Variants in RXRG observed in about 807,000 individuals in gnomAD.
RXRG encodes the protein retinoic acid receptor RXR-gamma.
Under a neutral mutation model 49.2 loss-of-function variants are expected in RXRG, and 19 were observed. The ratio of observed to expected loss-of-function variants is 0.39; its 90% CI spans 0.27 to 0.57. RXRG has a LOEUF of 0.57. Ranked by LOEUF, RXRG falls within the 20% of genes least tolerant of loss-of-function variation. The pLI is 0.64. For synonymous variants in RXRG, 224 were observed against 216.6 expected (o/e 1.03, Z -0.30); for missense variants, 452 against 592.5 (o/e 0.76, Z 2.46).
Position 165,401,371 on chromosome 1 carries a change from G to A in RXRG, c.1284C>T (p.Ser428=). 1 of 1,614,220 alleles carries A rather than the reference G, an allele frequency of 6.2e-7. No homozygotes were observed. Among genetic ancestry groups the A allele is most frequent in the South Asian group, 1.1e-5 (1 of 91,090 alleles). The change falls in exon 10 of 10, where the codon TCC becomes TCT. Residue 428 remains serine, a synonymous_variant. Coordinates refer to ENST00000359842, the MANE Select transcript of RXRG (RefSeq NM_006917.5). The stretch of plus-strand genomic sequence containing the variant: ...GGTGCTCCAGGCATTTCAAGCCAAT[G>A]GAACGCAGAGCTGGGAGGCGCAGCA... ...KLLLRLPALR[S]IGLKCLEHLF...
intron 1 of RXRG, among the ~76,000 whole-genome samples, chr1:165,430,685 G>A (rs902887817): frequency 6.6e-6 from 1 of 152,220 alleles, no homozygotes; most frequent in Non-Finnish European, 1.5e-5. Flanking sequence ...GCCCACAGGG[G>A]CATGGCAAAG....
At chr1:165,422,784 A>G (rs1466472949) in intron 2 of RXRG, among the ~76,000 whole-genome samples, 1 of 152,240 alleles carries the variant, frequency 6.6e-6, no homozygotes, top group Non-Finnish European at 1.5e-5. Flanking sequence ...GCATGAGGAA[A>G]GATTAGAGGA....
At chr1:165,409,513 AC>A (rs1557911005) in intron 7 of RXRG, 44 bp downstream of exon 7, 33 of 1,399,646 alleles carry the variant, frequency 2.4e-5, no homozygotes, top group Non-Finnish European at 3.0e-5. Flanking sequence ...ACACACACAC[AC>A]ACACACATAA....
chr1:165,414,580 T>C (rs1269550360), intron 4 of RXRG, among the ~76,000 whole-genome samples: 3 of 152,204 alleles, frequency 2.0e-5, no homozygotes, highest in Non-Finnish European at 2.9e-5. Context: ...TCCAAGTCAA[T>C]TGGAAACTTA....
At chr1:165,440,349 G>T (rs749251807) in intron 1 of RXRG, among the ~76,000 whole-genome samples, 13 of 152,168 alleles carry the variant, frequency 8.5e-5, no homozygotes, top group Non-Finnish European at 1.8e-4. Context: ...GTTATGAAAC[G>T]AGTTGATACA....
Position 165,411,120 on chromosome 1 carries a change from G to T in RXRG, c.623-11C>A. On this transcript the variant is annotated splice_polypyrimidine_tract_variant and intron_variant, in intron 4 of 9. Transcript: ENST00000359842. ...TTTCTTCTTGCACAGCTGACATGCAGCAGGACATGCAGAGGTTACCATAAT... is the reference window on the plus strand; with the variant it reads ...TTTCTTCTTGCACAGCTGACATGCATCAGGACATGCAGAGGTTACCATAAT... 6.2e-7 allele frequency: 1 copy of T among 1,612,816 alleles called. No homozygotes were observed.
At chr1:165,402,346 A>C (rs1657605995) in intron 9 of RXRG, among the ~76,000 whole-genome samples, 1 of 152,206 alleles carries the variant, frequency 6.6e-6, no homozygotes. Flanking sequence ...TCAGCCTCCC[A>C]AAGTGCTGGG....
intron 8 of RXRG, among the ~76,000 whole-genome samples, chr1:165,407,698 C>T (rs1657799316): frequency 6.6e-6 from 1 of 152,162 alleles, no homozygotes; most frequent in African/African-American, 2.4e-5. Context: ...CCTGGGCAGC[C>T]ACTCTTGGAT....
At chr1:165,424,539 A>G (rs2101729771) in intron 2 of RXRG, among the ~76,000 whole-genome samples, 1 of 152,366 alleles carries the variant, frequency 6.6e-6, no homozygotes, top group South Asian at 2.1e-4. Context: ...AAACTGAAAC[A>G]GAAACAAGTT....
rs1312734518 is a variant in RXRG at position 165,442,375 on chromosome 1, ATTC to A, written c.49+2467_49+2469del. Among the ~76,000 whole-genome samples the A allele has an allele frequency of 4.6e-5, 7 of 152,210 alleles. No individual in the cohort carries two copies. The East Asian group carries it at 1.3e-3, about 29-fold the overall frequency. ...AACCTCAACAGAACTAAACAAAATA[ATTC>A]TTCTCCTCCCTCAAGAATGACAAAG... On this transcript the variant is annotated intron_variant, in intron 1 of 9. Coordinates refer to ENST00000359842, the MANE Select transcript of RXRG (RefSeq NM_006917.5).
At chr1:165,417,522 T>A (rs1446975020) in intron 3 of RXRG, among the ~76,000 whole-genome samples, 2 of 152,194 alleles carry the variant, frequency 1.3e-5, no homozygotes, top group East Asian at 3.8e-4. Context: ...TTGGGTTTAG[T>A]TAAGCAAATG....
chr1:165,401,183 G>T lies in RXRG; in HGVS notation c.*80C>A. The T allele has an allele frequency of 7.3e-7, 1 of 1,371,212 alleles. No individual in the cohort carries two copies. Among genetic ancestry groups the T allele is most frequent in the Non-Finnish European group, 1.0e-6 (1 of 984,836 alleles). 84.9% of individuals were successfully genotyped at this position (1,371,212 alleles called of 1,614,324 possible). A position where few individuals can be genotyped will look rare whatever the true frequency, so the allele number is the denominator to read the frequency against. On this transcript the variant is annotated 3_prime_UTR_variant, in exon 10 of 10. Coordinates refer to ENST00000359842, the MANE Select transcript of RXRG (RefSeq NM_006917.5). ...GACAGGAAGGGGGTCAGGGTGGGAG[G>T]TGGAGGAAAGTGCAGGGTGGGGGTC... is the stretch of plus-strand genomic sequence containing the variant.
chr1:165,407,953 T>C (rs1424719941), intron 8 of RXRG, among the ~76,000 whole-genome samples: 1 of 152,102 alleles, frequency 6.6e-6, no homozygotes, highest in African/African-American at 2.4e-5. Context: ...TCTAGAAATA[T>C]ATCCAGAATG....
chr1:165,417,478 G>C (rs1658162090), intron 3 of RXRG, among the ~76,000 whole-genome samples: 2 of 152,050 alleles, frequency 1.3e-5, no homozygotes, highest in African/African-American at 2.4e-5. Context: ...CTAAAGCTAA[G>C]GCTTTCTTTA....
chr1:165,411,198 A>T, intron 4 of RXRG, 89 bp from the exon 5 acceptor site: 1 of 1,306,998 alleles, frequency 7.7e-7, no homozygotes. Context: ...CAATTTACTC[A>T]TCTATGAAAG....
intron 2 of RXRG, among the ~76,000 whole-genome samples, chr1:165,428,264 A>G (rs573507726): frequency 2.6e-5 from 4 of 152,324 alleles, no homozygotes; most frequent in African/African-American, 4.8e-5. Flanking sequence ...CTTGTTCTCA[A>G]CTTATCCATT....
intron 1 of RXRG, among the ~76,000 whole-genome samples, chr1:165,431,463 A>T (rs1658672895): frequency 6.6e-6 from 1 of 152,226 alleles, no homozygotes; most frequent in Non-Finnish European, 1.5e-5. Flanking sequence ...AAAGTGTGAC[A>T]GGTGAGTTAG....
Position 165,401,099 on chromosome 1 carries a change from C to T in RXRG, c.*164G>A. On this transcript the variant is annotated 3_prime_UTR_variant, in exon 10 of 10. Coordinates refer to ENST00000359842, the MANE Select transcript of RXRG (RefSeq NM_006917.5). ...TACCTTTAACATCTATACAAAAGTC[C>T]ACCTATAAAAGTCTCATGTGTAGAA... The T allele has an allele frequency of 1.6e-6, 1 of 623,696 alleles. No homozygotes were observed. Among genetic ancestry groups the T allele is most frequent in the Non-Finnish European group, 2.8e-6 (1 of 362,404 alleles). 38.6% of individuals were successfully genotyped at this position (623,696 alleles called of 1,614,324 possible).
intron 2 of RXRG, among the ~76,000 whole-genome samples, chr1:165,421,799 T>A (rs1028625174): frequency 6.6e-6 from 1 of 152,092 alleles, no homozygotes; most frequent in Admixed American, 6.5e-5. Context: ...CCCAAAGTTC[T>A]GGGATTACAG....
Sources: allele counts gnomAD v4.1 joint callset (sites outside exome capture counted in the v4.1 genomes callset), GRCh38; gene constraint gnomAD v4.1.1; transcripts MANE v1.5; gene names NCBI Gene and HGNC (gene_info 2026-07-23, HGNC 2026-07-21).